Variants in MADD observed in about 807,000 individuals in gnomAD.
MADD encodes MAP kinase-activating death domain protein.
A neutral mutation model predicts 176.7 loss-of-function variants in MADD; 109 were observed. That is an observed-to-expected ratio of 0.62 (90% CI 0.53 to 0.72). MADD has a LOEUF of 0.72. MADD is among the 30% of genes least tolerant of loss of function. The pLI, the probability that MADD is intolerant of heterozygous loss-of-function variation, is 0.00. For synonymous variants in MADD, 771 were observed against 771.3 expected (o/e 1.00, Z 0.01); for missense variants, 1,914 against 2,045.5 (o/e 0.94, Z 1.24).
chr11:47,298,414 A>G (rs188609070), intron 22 of MADD, among the ~76,000 whole-genome samples: 2 of 152,376 alleles, frequency 1.3e-5, no homozygotes, highest in African/African-American at 4.8e-5. Context: ...CGTCTACAGC[A>G]GTTTGGCTTC....
At chr11:47,324,314 C>T in exon 29 of MADD, 1 of 1,614,192 alleles carries the variant, frequency 6.2e-7, no homozygotes, top group South Asian at 1.1e-5. Context: ...CGCGCTGCCG[C>T]CCGACAGCAA....
At chr11:47,294,498 C>T (rs2068713053) in intron 20 of MADD, among the ~76,000 whole-genome samples, 3 of 151,528 alleles carry the variant, frequency 2.0e-5, no homozygotes, top group Middle Eastern at 3.4e-3. Context: ...AGTGAAACCC[C>T]GTCTCTACTA....
chr11:47,323,556 A>G, intron 27 of MADD, 115 bp from the exon 31 acceptor site: 1 of 1,035,262 alleles, frequency 9.7e-7, no homozygotes, highest in Non-Finnish European at 1.4e-6. Flanking sequence ...CCATGAGCGT[A>G]AGGCAGAAAA....
In MADD at chr11:47,282,222, G is replaced by A. The variant is rs562718861; in HGVS notation, c.1470-159G>A. Among the ~76,000 whole-genome samples, 26 of 152,218 alleles carry A rather than the reference G, an allele frequency of 1.7e-4. 1 individual carries two copies. The highest frequency in any genetic ancestry group is 2.8e-4 in the Non-Finnish European group (19 of 68,014). On this transcript the variant is annotated intron_variant, in intron 8 of 32. Coordinates refer to ENST00000402192, the Ensembl canonical transcript of MADD. Reference sequence around the variant, plus strand: ...TCAAAGTGAAGAAATAGTAAACCACGTGCTCAGGATGAAGAGGGGGCTGAT... The same window carrying A: ...TCAAAGTGAAGAAATAGTAAACCACATGCTCAGGATGAAGAGGGGGCTGAT...
chr11:47,328,459 C>T (rs2142638944), intron 31 of MADD, 199 bp from the exon 36 acceptor site: 1 of 1,451,910 alleles, frequency 6.9e-7, no homozygotes, highest in South Asian at 1.5e-5. Context: ...GAGGCTAGGG[C>T]CATGTCCTCC....
chr11:47,292,775 C>A (rs141577362), intron 19 of MADD, among the ~76,000 whole-genome samples, 179 bp downstream of exon 21: 1 of 152,220 alleles, frequency 6.6e-6, no homozygotes, highest in East Asian at 1.9e-4. Context: ...TTCTTTCCCC[C>A]TCCCCTCGTG....
chr11:47,284,358 C>T lies in MADD; in HGVS notation c.1967-17C>T, dbSNP rs1320036805. The T allele has an allele frequency of 1.9e-6, 3 of 1,614,072 alleles. No homozygotes were observed. Among genetic ancestry groups the T allele is most frequent in the South Asian group, 2.2e-5 (2 of 91,080 alleles). ...AGGATGGAGTGGTCTGTACCTGCCTCCCTTGGATTTTGGCAGATGTGGACC... is the reference window on the plus strand; with the variant it reads ...AGGATGGAGTGGTCTGTACCTGCCTTCCTTGGATTTTGGCAGATGTGGACC... On this transcript the variant is annotated splice_polypyrimidine_tract_variant and intron_variant, in intron 11 of 32. Coordinates refer to ENST00000402192, the Ensembl canonical transcript of MADD.
At chr11:47,318,968 T>G (rs1046119632) in intron 27 of MADD, among the ~76,000 whole-genome samples, 10 of 151,020 alleles carry the variant, frequency 6.6e-5, no homozygotes, top group African/African-American at 2.4e-4. Flanking sequence ...CCATCATGTC[T>G]GGCTAATTTT....
At chr11:47,328,803 G>A in intron 32 of MADD, 99 bp downstream of exon 36, 1 of 1,491,400 alleles carries the variant, frequency 6.7e-7, no homozygotes, top group Admixed American at 1.9e-5. Context: ...GCACAGGGGT[G>A]AGTGGGGACC....
intron 28 of MADD, 49 bp from the exon 32 acceptor site, chr11:47,324,216 G>T: frequency 6.4e-7 from 1 of 1,561,002 alleles, no homozygotes. Context: ...AGTGGGTGGG[G>T]AACCCTGGAC....
chr11:47,328,675 G>A, exon 32 of MADD: 1 of 1,614,238 alleles, frequency 6.2e-7, no homozygotes, highest in Non-Finnish European at 8.5e-7. Flanking sequence ...AATTAAAGAA[G>A]TGGTGAGCCA....
intron 20 of MADD, 109 bp downstream of exon 22, chr11:47,294,092 G>A (rs2068012271): frequency 2.2e-6 from 2 of 909,522 alleles, no homozygotes; most frequent in African/African-American, 1.7e-5. Flanking sequence ...GCTCATGCTT[G>A]TAATCCCAGC....
At chr11:47,286,385 G>A (rs1308665374) in intron 14 of MADD, 48 bp from the exon 15 acceptor site, 3 of 1,249,318 alleles carry the variant, frequency 2.4e-6, no homozygotes, top group Non-Finnish European at 3.5e-6. Context: ...CTACTGCTTT[G>A]ATTACTTACT....
chr11:47,296,546 G>C (rs947859172), intron 22 of MADD, among the ~76,000 whole-genome samples: 1 of 152,102 alleles, frequency 6.6e-6, no homozygotes. Context: ...GATTTACTAA[G>C]TGCCAGATTT....
intron 7 of MADD, 32 bp downstream of exon 7, chr11:47,279,111 T>A (rs746253969): frequency 6.3e-7 from 1 of 1,592,372 alleles, no homozygotes; most frequent in South Asian, 1.1e-5. Flanking sequence ...GAAAGGGGAG[T>A]ATTAGATGCT....
chr11:47,295,505 C>A, exon 21 of MADD: 1 of 1,613,956 alleles, frequency 6.2e-7, no homozygotes, highest in Non-Finnish European at 8.5e-7. Context: ...GAGGACTGAT[C>A]AAGACTCTGT....
intron 22 of MADD, among the ~76,000 whole-genome samples, chr11:47,301,688 A>G (rs1027308487): frequency 2.6e-5 from 4 of 152,098 alleles, no homozygotes; most frequent in African/African-American, 9.7e-5. Context: ...TTGTTGACCC[A>G]TTGGTCACTC....
At chr11:47,308,363 C>G (rs570024911) in intron 22 of MADD, among the ~76,000 whole-genome samples, 1 of 152,122 alleles carries the variant, frequency 6.6e-6, no homozygotes, top group South Asian at 2.1e-4. Context: ...AGAAAATAAC[C>G]TTACAGAGAC....
intron 3 of MADD, 74 bp downstream of exon 3, chr11:47,275,233 GA>G: frequency 1.5e-6 from 2 of 1,324,898 alleles, no homozygotes; most frequent in Non-Finnish European, 2.1e-6. Context: ...AGGGGCATAG[GA>G]AATTTCCTCT....
Sources: gnomAD v4.1 joint callset for allele counts (sites outside exome capture counted in the v4.1 genomes callset) on GRCh38, gnomAD v4.1.1 for gene constraint, MANE v1.5 for transcripts, NCBI Gene and HGNC (gene_info 2026-07-23, HGNC 2026-07-21) for gene names.